The following KAZN variants were observed in gnomAD, a reference collection of about 807,000 sequenced individuals.
The protein encoded by KAZN is kazrin, periplakin interacting protein.
A neutral mutation model predicts 87.4 loss-of-function variants in KAZN; 40 were observed. The observed-to-expected ratio is 0.46, with a 90% confidence interval of 0.36 to 0.60. The LOEUF (loss-of-function observed/expected upper bound fraction) is 0.60. KAZN is among the 20% of genes least tolerant of loss of function. The pLI is 0.00. For missense variants in KAZN, 898 were observed against 1,073.9 expected (o/e 0.84, Z 2.29); for synonymous variants, 466 against 458.3 (o/e 1.02, Z -0.22).
chr1:14,260,468 G>T (rs117494497), intron 2 of KAZN, among the ~76,000 whole-genome samples: 1 of 152,136 alleles, frequency 6.6e-6, no homozygotes, highest in African/African-American at 2.4e-5. Flanking sequence ...TCGATGACCC[G>T]CATGGCTGGA....
intron 2 of KAZN, among the ~76,000 whole-genome samples, chr1:15,023,266 A>C (rs1210389899): frequency 6.6e-6 from 1 of 152,230 alleles, no homozygotes; most frequent in African/African-American, 2.4e-5. Flanking sequence ...TGCTTGCTTC[A>C]GTGAACATTT....
At chr1:14,972,008 A>G (rs917261594) in intron 2 of KAZN, among the ~76,000 whole-genome samples, 2 of 152,132 alleles carry the variant, frequency 1.3e-5, no homozygotes, top group Non-Finnish European at 2.9e-5. Context: ...CGGTAGGGGC[A>G]GAGGCTGCAC....
chr1:14,101,825 A>C (rs970154373), intron 1 of KAZN, among the ~76,000 whole-genome samples: 3 of 152,218 alleles, frequency 2.0e-5, no homozygotes, highest in Non-Finnish European at 4.4e-5. Context: ...GATGTTGTTT[A>C]CATATTGTGT....
chr1:14,387,890 A>G (rs1275376684), intron 2 of KAZN, among the ~76,000 whole-genome samples: 2 of 152,208 alleles, frequency 1.3e-5, no homozygotes, highest in Non-Finnish European at 2.9e-5. Context: ...AGCCTGGGCA[A>G]TGGCGGGCGC....
intron 1 of KAZN, among the ~76,000 whole-genome samples, chr1:14,140,675 C>T (rs2101764815): frequency 6.6e-6 from 1 of 152,222 alleles, no homozygotes; most frequent in Admixed American, 6.5e-5. Flanking sequence ...GTAGTTCTTA[C>T]ACACGTGTAA....
In KAZN at chr1:14,318,694, G is replaced by A. The variant is rs551479976; in HGVS notation, c.249+138102G>A. On this transcript the variant is annotated intron_variant, in intron 2 of 16. Coordinates refer to the KAZN transcript ENST00000636203. ...GTACATGAGATCACTCGATATTGTC[G>A]TGCAATTCAATGAGATTCTGCCCAT... Among the ~76,000 whole-genome samples the A allele has an allele frequency of 3.9e-5, 6 of 151,992 alleles. No homozygotes were observed. In the South Asian group the frequency reaches 1.0e-3, roughly 26 times the overall value.
In KAZN at chr1:14,502,860, T is replaced by C. The variant is rs572795756; in HGVS notation, c.250-96123T>C. 6.6e-5 allele frequency among the ~76,000 whole-genome samples: 10 copies of C among 152,280 alleles called. 1 individual carries two copies. In the South Asian group the frequency reaches 2.1e-3, roughly 32 times the overall value. The stretch of plus-strand genomic sequence containing the variant: ...TCCCACTAACTTTATGATCCCTATT[T>C]TATGAACACCCTTCAGAGAGAGTTG... On this transcript the variant is annotated intron_variant, in intron 2 of 16. Transcript: ENST00000636203.
chr1:15,024,068 A>G (rs968809882), intron 2 of KAZN, among the ~76,000 whole-genome samples: 8 of 152,052 alleles, frequency 5.3e-5, no homozygotes, highest in Non-Finnish European at 1.2e-4. Flanking sequence ...TAGAGGTTCA[A>G]GCAGAGGTGT....
chr1:14,975,051 C>A (rs1435264594), intron 2 of KAZN, among the ~76,000 whole-genome samples: 4 of 152,232 alleles, frequency 2.6e-5, no homozygotes, highest in Non-Finnish European at 4.4e-5. Flanking sequence ...AGTGGGGTGG[C>A]CTCTGGCTTT....
intron 1 of KAZN, among the ~76,000 whole-genome samples, chr1:13,986,457 G>A (rs1463529500): frequency 6.6e-6 from 1 of 152,076 alleles, no homozygotes; most frequent in Middle Eastern, 3.2e-3. Flanking sequence ...TCAGAGAGAA[G>A]GAAAAATTAT....
At chr1:14,205,893 A>AAAAAAAAAAAAAAAAAAAAAAAAAC in intron 2 of KAZN, among the ~76,000 whole-genome samples, 1 of 60,806 alleles carries the variant, frequency 1.6e-5, no homozygotes, top group African/African-American at 7.4e-5. Context: ...TCAAAAAAAA[A>AAAAAAAAAAAAAAAAAAAAAAAAAC]AAAAAAAAAA....
chr1:14,481,835 C>T (rs1669101996), intron 2 of KAZN, among the ~76,000 whole-genome samples: 1 of 152,182 alleles, frequency 6.6e-6, no homozygotes, highest in Admixed American at 6.5e-5. Flanking sequence ...CTTGGCCCTG[C>T]CTTCCTGAGG....
Position 15,101,776 on chromosome 1 carries a change from T to C in KAZN, c.1779+2T>C. 3.8e-6 allele frequency: 6 copies of C among 1,567,314 alleles called. No homozygotes were observed. Among genetic ancestry groups the C allele is most frequent in the Non-Finnish European group, 5.2e-6 (6 of 1,155,482 alleles). Reference sequence around the variant, plus strand: ...TACCAAGTGAACTTCAGCAGGGAGGTGAGGACCAGGGCACAGGGTGGGGGC... The same window carrying C: ...TACCAAGTGAACTTCAGCAGGGAGGCGAGGACCAGGGCACAGGGTGGGGGC... On this transcript the variant is annotated splice_donor_variant, in intron 11 of 14. Transcript: ENST00000376030. LOFTEE classifies it high-confidence loss of function.
chr1:14,974,169 C>A (rs2101856032), intron 2 of KAZN, among the ~76,000 whole-genome samples: 1 of 151,968 alleles, frequency 6.6e-6, no homozygotes, highest in East Asian at 1.9e-4. Context: ...AGAGAGGGCT[C>A]CAGGAAACCA....
intron 1 of KAZN, among the ~76,000 whole-genome samples, chr1:14,884,966 C>G (rs1040957187): frequency 1.3e-5 from 2 of 152,158 alleles, no homozygotes; most frequent in Non-Finnish European, 2.9e-5. Context: ...TCGAGCATCA[C>G]GGAACACGTA....
intron 2 of KAZN, among the ~76,000 whole-genome samples, chr1:14,243,102 C>T (rs570524821): frequency 7.6e-4 from 115 of 152,248 alleles, no homozygotes; most frequent in African/African-American, 2.5e-3. Context: ...ACTCAAGAAA[C>T]GTCCCTCCTT....
chr1:14,939,992 T>C (rs1016824086), intron 1 of KAZN, among the ~76,000 whole-genome samples: 1 of 151,892 alleles, frequency 6.6e-6, no homozygotes, highest in Non-Finnish European at 1.5e-5. Flanking sequence ...CAGGGAGGGG[T>C]CTGCCTCCCT....
chr1:14,566,388 T>C (rs1674551116), intron 2 of KAZN, among the ~76,000 whole-genome samples: 1 of 152,214 alleles, frequency 6.6e-6, no homozygotes, highest in South Asian at 2.1e-4. Context: ...CAGGCTTTGG[T>C]GTTCCATTTA....
rs184886832 is a variant in KAZN at position 14,184,966 on chromosome 1, G to A, written c.249+4374G>A. On this transcript the variant is annotated intron_variant, in intron 2 of 16. Transcript: ENST00000636203. The surrounding 1 kb of genome is among the most constrained non-coding windows in gnomAD (Gnocchi z 4.2). ...TTGATACTGTGGTCAAGGTAGGTAGGCCTCTGTGGCTGTCACTGGTACAGT... is the reference window on the plus strand; with the variant it reads ...TTGATACTGTGGTCAAGGTAGGTAGACCTCTGTGGCTGTCACTGGTACAGT... Among the ~76,000 whole-genome samples, 558 of 152,242 alleles carry A rather than the reference G, an allele frequency of 3.7e-3. 2 individuals carry two copies. The highest frequency in any genetic ancestry group is 4.9e-3 in the Non-Finnish European group (334 of 68,000).
Sources: allele counts gnomAD v4.1 joint callset (sites outside exome capture counted in the v4.1 genomes callset), GRCh38; gene constraint gnomAD v4.1.1; non-coding constraint Gnocchi (gnomAD v3.1); transcripts MANE v1.5; gene names NCBI Gene and HGNC (gene_info 2026-07-23, HGNC 2026-07-21).